Variants in GALNT13 observed in about 807,000 individuals in gnomAD.
GALNT13 encodes UDP-GalNAc:polypeptide N-acetylgalactosaminyltransferase 13.
In GALNT13, 28 loss-of-function variants were observed where a neutral mutation model predicts 64.2. The observed-to-expected ratio is 0.44, with a 90% CI of 0.32 to 0.60. The LOEUF is 0.60. GALNT13 is among the 20% of genes least tolerant of loss of function. The probability of loss-of-function intolerance (pLI) is 0.05; values close to 1 mark genes in which losing one functional copy is unlikely to be tolerated. For synonymous variants in GALNT13, 214 were observed against 224.6 expected, an observed-to-expected ratio of 0.95 and a Z score of 0.42; for missense variants, 577 against 669.8, an observed-to-expected ratio of 0.86 and a Z score of 1.53.
At chr2:153,076,706 T>A in the GALNT13 span, among the ~76,000 whole-genome samples, 1 of 152,042 alleles carries the variant, frequency 6.6e-6, no homozygotes, top group Non-Finnish European at 1.5e-5. Context: ...CCTCATTGAT[T>A]TTTTTGGGCT....
At chr2:153,227,989 G>A in the GALNT13 span, among the ~76,000 whole-genome samples, 1 of 152,172 alleles carries the variant, frequency 6.6e-6, no homozygotes. Flanking sequence ...ATTGACCCAA[G>A]TTGTTCTATT....
chr2:153,903,442 T>C (rs991671293), intron 2 of GALNT13, among the ~76,000 whole-genome samples: 5 of 152,014 alleles, frequency 3.3e-5, no homozygotes, highest in African/African-American at 1.2e-4. Flanking sequence ...TACTTTTGCA[T>C]CAACCTAATA....
the GALNT13 span, among the ~76,000 whole-genome samples, chr2:153,097,901 G>T: frequency 6.6e-6 from 1 of 152,032 alleles, no homozygotes; most frequent in Non-Finnish European, 1.5e-5. Context: ...CCCCCTCTCT[G>T]CTAGAAATTC....
At chr2:153,196,653 G>A in the GALNT13 span, among the ~76,000 whole-genome samples, 3 of 151,772 alleles carry the variant, frequency 2.0e-5, no homozygotes, top group East Asian at 3.9e-4. Context: ...TCACAGCATG[G>A]GGCAGGGGCT....
chr2:154,237,617 C>T (rs551588438), intron 4 of GALNT13, among the ~76,000 whole-genome samples: 1 of 149,008 alleles, frequency 6.7e-6, no homozygotes, highest in African/African-American at 2.4e-5. Context: ...TTACACAAAA[C>T]TTTAAATGCA....
the GALNT13 span, among the ~76,000 whole-genome samples, chr2:153,531,702 A>G: frequency 6.6e-6 from 1 of 152,166 alleles, no homozygotes; most frequent in Non-Finnish European, 1.5e-5. Flanking sequence ...CTGTAAAATA[A>G]TAATAATAAT....
In GALNT13 at chr2:154,345,409, C is replaced by T. The variant is rs548977281; in HGVS notation, c.1156+43820C>T. Among the ~76,000 whole-genome samples, 8 of 152,056 alleles carry T rather than the reference C, an allele frequency of 5.3e-5. No homozygotes were observed. The East Asian group carries it at 1.4e-3, about 26-fold the overall frequency. Reference sequence around the variant, plus strand: ...GCCATAATCTAGGAAAGTTGTTGCTCAAGAGAACTTTCTGTGATAATGAAA... The same window carrying T: ...GCCATAATCTAGGAAAGTTGTTGCTTAAGAGAACTTTCTGTGATAATGAAA... On this transcript the variant is annotated intron_variant, in intron 9 of 12. Transcript: ENST00000392825.
chr2:153,353,445 C>CT, the GALNT13 span, among the ~76,000 whole-genome samples: 4 of 151,968 alleles, frequency 2.6e-5, no homozygotes, highest in South Asian at 8.3e-4. Flanking sequence ...CTTTTGTTTT[C>CT]TTTTTTGTCT....
the GALNT13 span, among the ~76,000 whole-genome samples, chr2:153,350,034 TC>T: frequency 6.6e-6 from 1 of 152,188 alleles, no homozygotes; most frequent in Non-Finnish European, 1.5e-5. Context: ...GACCTTCTCT[TC>T]CCTGCCTCAC....
At chr2:153,779,803 T>C in the GALNT13 span, among the ~76,000 whole-genome samples, 6 of 152,182 alleles carry the variant, frequency 3.9e-5, no homozygotes, top group African/African-American at 1.4e-4. Context: ...TTTTCTTAGA[T>C]GTAAATACAA....
chr2:153,482,374 G>A, the GALNT13 span, among the ~76,000 whole-genome samples: 2 of 152,170 alleles, frequency 1.3e-5, no homozygotes, highest in South Asian at 4.1e-4. Flanking sequence ...TTAATATAGA[G>A]ACAAGCAGTC....
chr2:153,088,441 T>A, the GALNT13 span, among the ~76,000 whole-genome samples: 1 of 152,054 alleles, frequency 6.6e-6, no homozygotes, highest in Non-Finnish European at 1.5e-5. Flanking sequence ...TATTCTGCAG[T>A]TGTTGGGTAA....
chr2:153,786,840 C>T, the GALNT13 span, among the ~76,000 whole-genome samples: 1 of 152,202 alleles, frequency 6.6e-6, no homozygotes, highest in Non-Finnish European at 1.5e-5. Flanking sequence ...TATCTGTCCA[C>T]ACCTCCAACA....
At chr2:153,569,479 G>C in the GALNT13 span, among the ~76,000 whole-genome samples, 1 of 151,304 alleles carries the variant, frequency 6.6e-6, no homozygotes, top group Admixed American at 6.6e-5. Flanking sequence ...TGTGTGGCAT[G>C]AATGTCTTCT....
At chr2:154,318,399 C>A (rs1694437807) in intron 9 of GALNT13, among the ~76,000 whole-genome samples, 1 of 152,138 alleles carries the variant, frequency 6.6e-6, no homozygotes, top group Non-Finnish European at 1.5e-5. Flanking sequence ...ACAGATTAAA[C>A]CACAGGATGT....
the GALNT13 span, among the ~76,000 whole-genome samples, chr2:153,195,925 G>A: frequency 6.6e-6 from 1 of 152,102 alleles, no homozygotes; most frequent in African/African-American, 2.4e-5. Flanking sequence ...AGCAGAGAGG[G>A]TAGCTCCTCT....
chr2:153,423,322 A>G, the GALNT13 span: 1 of 151,880 alleles, frequency 6.6e-6, no homozygotes, highest in Admixed American at 6.6e-5. Context: ...GGACTCCTTT[A>G]TAATATAAAC....
chr2:153,599,176 T>A, the GALNT13 span, among the ~76,000 whole-genome samples: 2 of 152,034 alleles, frequency 1.3e-5, no homozygotes, highest in African/African-American at 2.4e-5. Context: ...GCTTCAAAAT[T>A]TTTTTCCAGG....
intron 4 of GALNT13, among the ~76,000 whole-genome samples, chr2:154,229,035 T>C (rs935825249): frequency 7.9e-5 from 12 of 152,032 alleles, no homozygotes; most frequent in African/African-American, 2.4e-4. Flanking sequence ...TGTTGCTGTA[T>C]ACCCGGGGCA....
Sources: allele counts gnomAD v4.1 joint callset (sites outside exome capture counted in the v4.1 genomes callset), GRCh38; gene constraint gnomAD v4.1.1; transcripts MANE v1.5; gene names NCBI Gene and HGNC (gene_info 2026-07-23, HGNC 2026-07-21).